EXOC4: variants seen among roughly 807,000 people sequenced by gnomAD.
EXOC4 encodes the protein exocyst complex component 4.
EXOC4 carries 71 observed loss-of-function variants against 107.2 expected under a neutral mutation model. The observed-to-expected ratio is 0.66, with a 90% CI of 0.55 to 0.81. The LOEUF (loss-of-function observed/expected upper bound fraction) is 0.81. Among genes scored for constraint, EXOC4 ranks in the 30% least tolerant of loss-of-function variants. The pLI, the probability that EXOC4 is intolerant of heterozygous loss-of-function variation, is 0.00. For missense variants in EXOC4, 1,108 were observed against 1,189.6 expected (o/e 0.93, Z 1.01); for synonymous variants, 456 against 441.2 (o/e 1.03, Z -0.42).
At chr7:133,280,964 C>G (rs933623896) in intron 2 of EXOC4, among the ~76,000 whole-genome samples, 3 of 152,128 alleles carry the variant, frequency 2.0e-5, no homozygotes, top group African/African-American at 7.2e-5. Context: ...GTGCAGCACT[C>G]TAGAGCACAT....
intron 7 of EXOC4, among the ~76,000 whole-genome samples, chr7:133,470,913 C>G (rs1798858036): frequency 6.6e-6 from 1 of 151,992 alleles, no homozygotes; most frequent in Non-Finnish European, 1.5e-5. Context: ...AAAATTTGAA[C>G]CCATAGGTGT....
intron 14 of EXOC4, among the ~76,000 whole-genome samples, chr7:133,938,971 A>G (rs1800365711): frequency 6.6e-6 from 1 of 152,078 alleles, no homozygotes; most frequent in Admixed American, 6.5e-5. Context: ...CCTGGTCTCA[A>G]ACTCCTGGGC....
rs142357439 is a variant in EXOC4 at position 133,805,083 on chromosome 7, C to T, written c.1515-12242C>T. On this transcript the variant is annotated intron_variant, in intron 10 of 17. Coordinates refer to ENST00000253861, the MANE Select transcript of EXOC4 (RefSeq NM_021807.4). ...AGGTATAAATCAAAGATGTACAAAA[C>T]GCAGTTGCTGCTCAGAAGGAACTTA... is the stretch of plus-strand genomic sequence containing the variant. Among the ~76,000 whole-genome samples the T allele has an allele frequency of 8.9e-3, 1,360 of 152,112 alleles. 24 individuals are homozygous for T. Among genetic ancestry groups the T allele is most frequent in the African/African-American group, 0.03 (1,253 of 41,514 alleles).
chr7:133,968,794 T>C (rs925340709), intron 14 of EXOC4, among the ~76,000 whole-genome samples: 1 of 152,180 alleles, frequency 6.6e-6, no homozygotes, highest in African/African-American at 2.4e-5. Context: ...ATTTCAACCT[T>C]GGTGAATCTA....
At chr7:133,990,377 T>G (rs1460200712) in intron 14 of EXOC4, among the ~76,000 whole-genome samples, 2 of 151,894 alleles carry the variant, frequency 1.3e-5, no homozygotes, top group Admixed American at 1.3e-4. Context: ...ATATTTGTCT[T>G]TCTGTGCTAG....
At chr7:133,610,271 G>A (rs755119594) in intron 9 of EXOC4, among the ~76,000 whole-genome samples, 2 of 152,142 alleles carry the variant, frequency 1.3e-5, no homozygotes, top group Non-Finnish European at 2.9e-5. Flanking sequence ...TGTTGGAATT[G>A]ATTCTTAACA....
intron 9 of EXOC4, among the ~76,000 whole-genome samples, chr7:133,612,869 T>G (rs1802102287): frequency 6.6e-6 from 1 of 152,230 alleles, no homozygotes; most frequent in South Asian, 2.1e-4. Context: ...TAAAGGTGGT[T>G]GTTCTTACCA....
At chr7:133,665,009 T>C (rs1793780826) in intron 10 of EXOC4, among the ~76,000 whole-genome samples, 1 of 152,208 alleles carries the variant, frequency 6.6e-6, no homozygotes, top group Non-Finnish European at 1.5e-5. Flanking sequence ...GGGGAATCTC[T>C]ACTTTGTTAA....
intron 14 of EXOC4, among the ~76,000 whole-genome samples, chr7:133,985,180 T>C (rs550148362): frequency 6.6e-6 from 1 of 152,294 alleles, no homozygotes; most frequent in Non-Finnish European, 1.5e-5. Flanking sequence ...GTCCATAGTC[T>C]TATGACCAGT....
chr7:133,392,018 A>C (rs1796864047), intron 7 of EXOC4, among the ~76,000 whole-genome samples: 1 of 152,250 alleles, frequency 6.6e-6, no homozygotes, highest in South Asian at 2.1e-4. Context: ...CAAGCACAAC[A>C]GAAAGAAATA....
At chr7:134,096,148 C>G in the EXOC4 span, among the ~76,000 whole-genome samples, 2 of 151,956 alleles carry the variant, frequency 1.3e-5, no homozygotes, top group African/African-American at 4.8e-5. Flanking sequence ...CAGACACTTC[C>G]CAAAAGGAGG....
intron 6 of EXOC4, among the ~76,000 whole-genome samples, chr7:133,364,162 G>T (rs1265117302): frequency 6.6e-6 from 1 of 152,020 alleles, no homozygotes; most frequent in Non-Finnish European, 1.5e-5. Context: ...GTCTCACTCT[G>T]TCGCTGAGGC....
intron 10 of EXOC4, among the ~76,000 whole-genome samples, chr7:133,664,753 A>G (rs1793774476): frequency 6.6e-6 from 1 of 152,154 alleles, no homozygotes; most frequent in Admixed American, 6.6e-5. Flanking sequence ...TAAGCTGTGT[A>G]ATGATGAACA....
chr7:133,860,379 C>T (rs889531450), intron 11 of EXOC4, among the ~76,000 whole-genome samples: 7 of 152,170 alleles, frequency 4.6e-5, no homozygotes, highest in Non-Finnish European at 7.3e-5. Flanking sequence ...GAGAGAACAT[C>T]AAACTAAAAG....
At chr7:133,848,124 A>G (rs1454849120) in intron 11 of EXOC4, among the ~76,000 whole-genome samples, 1 of 151,918 alleles carries the variant, frequency 6.6e-6, no homozygotes, top group African/African-American at 2.4e-5. Context: ...AGAGCCCCAC[A>G]CTGGGCGGTA....
At chr7:133,300,417 C>T (rs1344144458) in intron 3 of EXOC4, among the ~76,000 whole-genome samples, 1 of 152,170 alleles carries the variant, frequency 6.6e-6, no homozygotes, top group Non-Finnish European at 1.5e-5. Context: ...ATAGATCCCG[C>T]AAGAGTCCCT....
chr7:134,059,627 T>C (rs1272792616), intron 17 of EXOC4, among the ~76,000 whole-genome samples: 1 of 152,192 alleles, frequency 6.6e-6, no homozygotes, highest in Non-Finnish European at 1.5e-5. Context: ...ACTTATCTTT[T>C]AACTAATTCT....
chr7:133,871,929 ATTTAC>A (rs1252274304), intron 11 of EXOC4, among the ~76,000 whole-genome samples: 4 of 152,234 alleles, frequency 2.6e-5, no homozygotes, highest in African/African-American at 9.6e-5. Context: ...ATATGTACAT[ATTTAC>A]TTAATAAAAT....
intron 10 of EXOC4, among the ~76,000 whole-genome samples, chr7:133,741,557 C>G (rs139611476): frequency 1.3e-3 from 196 of 152,288 alleles, no homozygotes; most frequent in African/African-American, 4.4e-3. Flanking sequence ...GTATCTGGCC[C>G]TGTATTCTAC....
Sources: allele counts gnomAD v4.1 joint callset (sites outside exome capture counted in the v4.1 genomes callset), GRCh38; gene constraint gnomAD v4.1.1; transcripts MANE v1.5; gene names NCBI Gene and HGNC (gene_info 2026-07-23, HGNC 2026-07-21).